Variants in KCNMA1 observed in about 807,000 individuals in gnomAD.
The protein encoded by KCNMA1 is Calcium-activated potassium channel subunit alpha-1.
Under a neutral mutation model 140.0 loss-of-function variants are expected in KCNMA1, and 29 were observed. The ratio of observed to expected loss-of-function variants is 0.21; its 90% confidence interval spans 0.15 to 0.28. KCNMA1 has a LOEUF of 0.28. Ranked by LOEUF, KCNMA1 falls within the 10% of genes least tolerant of loss-of-function variation. The pLI is 1.00. For missense variants in KCNMA1, 880 were observed against 1,602.2 expected, an observed-to-expected ratio of 0.55 and a Z score of 7.70; for synonymous variants, 612 against 611.9, an observed-to-expected ratio of 1.00 and a Z score of 0.00.
intron 3 of KCNMA1, among the ~76,000 whole-genome samples, chr10:77,189,010 A>G (rs1390453481): frequency 6.6e-6 from 1 of 152,022 alleles, no homozygotes; most frequent in East Asian, 1.9e-4. Context: ...AACCCTGTGA[A>G]GCTACTTCTC....
In KCNMA1 at chr10:77,605,476, T is replaced by C. The variant is rs991233786; in HGVS notation, c.378+31789A>G. Among the ~76,000 whole-genome samples the C allele has an allele frequency of 3.3e-5, 5 of 152,200 alleles. No individual in the cohort carries two copies. In the East Asian group the frequency reaches 9.6e-4, roughly 29 times the overall value. ...TGTCTGTTCATCTCATGCTTTCTCG[T>C]GGGTTCCTGGAGAGGTCAGATGATG... On this transcript the variant is annotated intron_variant, in intron 1 of 27. Coordinates refer to ENST00000286628, the MANE Select transcript of KCNMA1 (RefSeq NM_001161352.2).
intron 3 of KCNMA1, among the ~76,000 whole-genome samples, chr10:77,217,074 G>A (rs1363765414): frequency 1.3e-5 from 2 of 152,142 alleles, no homozygotes; most frequent in Non-Finnish European, 2.9e-5. Flanking sequence ...GGAGGCTGAG[G>A]CGGGCGGATC....
chr10:76,950,207 A>G (rs2152954189), intron 21 of KCNMA1, among the ~76,000 whole-genome samples: 1 of 152,278 alleles, frequency 6.6e-6, no homozygotes, highest in South Asian at 2.1e-4. Context: ...ATGACTTATT[A>G]CAGAAAAAGT....
chr10:77,505,679 T>C (rs76072472), intron 1 of KCNMA1, among the ~76,000 whole-genome samples: 79 of 152,338 alleles, frequency 5.2e-4, no homozygotes, highest in African/African-American at 1.9e-3. Context: ...TGACTAGTTA[T>C]GTGGGTTGCA....
intron 15 of KCNMA1, among the ~76,000 whole-genome samples, chr10:77,030,254 C>G (rs995342353): frequency 6.6e-6 from 1 of 152,224 alleles, no homozygotes; most frequent in Non-Finnish European, 1.5e-5. Flanking sequence ...TGCTGAAACA[C>G]CAACACACAT....
At chr10:77,572,167 G>A (rs2071633861) in intron 1 of KCNMA1, among the ~76,000 whole-genome samples, 1 of 152,108 alleles carries the variant, frequency 6.6e-6, no homozygotes, top group Non-Finnish European at 1.5e-5. Flanking sequence ...CTTCGTCACA[G>A]GATGTCAACA....
intron 1 of KCNMA1, among the ~76,000 whole-genome samples, chr10:77,504,585 T>A (rs904014356): frequency 6.6e-6 from 1 of 152,136 alleles, no homozygotes; most frequent in Admixed American, 6.5e-5. Flanking sequence ...AAATTTTATC[T>A]TTTTATTTTT....
chr10:77,016,480 A>G (rs1455985578), intron 17 of KCNMA1, among the ~76,000 whole-genome samples: 1 of 152,132 alleles, frequency 6.6e-6, no homozygotes, highest in Non-Finnish European at 1.5e-5. Flanking sequence ...TGAATGAGTG[A>G]GTTTGAGACT....
At chr10:77,513,414 G>A (rs1366502223) in intron 1 of KCNMA1, among the ~76,000 whole-genome samples, 1 of 152,192 alleles carries the variant, frequency 6.6e-6, no homozygotes, top group East Asian at 1.9e-4. Flanking sequence ...CCTGAGAGCA[G>A]CCACCGTAGC....
At chr10:77,126,612 G>C (rs920343951) in intron 5 of KCNMA1, among the ~76,000 whole-genome samples, 1 of 152,146 alleles carries the variant, frequency 6.6e-6, no homozygotes, top group South Asian at 2.1e-4. Flanking sequence ...CTCTTGAAGA[G>C]TGACCTGCTA....
At chr10:76,898,134 T>G (rs2043413732) in intron 25 of KCNMA1, among the ~76,000 whole-genome samples, 1 of 151,686 alleles carries the variant, frequency 6.6e-6, no homozygotes, top group South Asian at 2.1e-4. Flanking sequence ...AGCTAAATGA[T>G]CCTATAAAAT....
intron 9 of KCNMA1, among the ~76,000 whole-genome samples, chr10:77,097,186 T>C (rs371773754): frequency 4.7e-4 from 71 of 152,332 alleles, no homozygotes; most frequent in African/African-American, 1.7e-3. Flanking sequence ...TTCCCTGATT[T>C]GGGGCATGTC....
chr10:77,069,883 T>C (rs2096125488), intron 14 of KCNMA1, among the ~76,000 whole-genome samples: 1 of 152,160 alleles, frequency 6.6e-6, no homozygotes, highest in Admixed American at 6.5e-5. Flanking sequence ...TGGCATGATC[T>C]TGGCTCACTG....
intron 3 of KCNMA1, among the ~76,000 whole-genome samples, chr10:77,234,603 T>C (rs543032068): frequency 1.3e-5 from 2 of 152,372 alleles, no homozygotes; most frequent in East Asian, 3.9e-4. Context: ...AAAATTATTT[T>C]ACATTTATGC....
chr10:76,969,997 G>A lies in KCNMA1; in HGVS notation c.2337C>T (p.Pro779=). The A allele has an allele frequency of 6.2e-7, 1 of 1,613,996 alleles. No homozygotes were observed. Among genetic ancestry groups the A allele is most frequent in the East Asian group, 2.2e-5 (1 of 44,860 alleles). ...KQRNGGMRNS[P]NTSPKLMRHD... ...ACCTCATCAGCTTAGGCGAGGTGTT[G>A]GGTGAGTTCCGCATGCCTCCATTCC... Residue 779 remains proline (P), a synonymous_variant, in exon 20 of 28, where the codon CCC becomes CCT. Transcript: ENST00000286628.
intron 1 of KCNMA1, among the ~76,000 whole-genome samples, chr10:77,431,695 A>C (rs1237620596): frequency 1.3e-5 from 1 of 74,512 alleles, no homozygotes; most frequent in Non-Finnish European, 3.2e-5. Context: ...AAAAAAAAAA[A>C]AAAAAAAAAA....
intron 1 of KCNMA1, among the ~76,000 whole-genome samples, chr10:77,529,270 A>G (rs1256221653): frequency 6.8e-6 from 1 of 146,414 alleles, no homozygotes; most frequent in South Asian, 2.2e-4. Flanking sequence ...GTGGTTTCCC[A>G]GCTCACCTCT....
chr10:77,517,010 AC>A (rs1333680495), intron 1 of KCNMA1, among the ~76,000 whole-genome samples: 1,959 of 121,840 alleles, frequency 0.016, 49 homozygotes, highest in African/African-American at 0.048. Context: ...AAAAAAAAAA[AC>A]AAAAGGTGAG....
In KCNMA1 at chr10:77,484,006, G is replaced by T. The variant is rs533359847; in HGVS notation, c.379-79983C>A. Among the ~76,000 whole-genome samples, 3 of 152,286 alleles carry T rather than the reference G, an allele frequency of 2.0e-5. No homozygotes were observed. The East Asian group carries it at 5.8e-4, about 29-fold the overall frequency. On this transcript the variant is annotated intron_variant, in intron 1 of 27. Coordinates refer to ENST00000286628, the MANE Select transcript of KCNMA1 (RefSeq NM_001161352.2). The stretch of plus-strand genomic sequence containing the variant: ...TGAGGCCAGGATCTAGGAGGACCAG[G>T]GTGGGAGGGGCCAAAAATGGCACTC...
Sources: gnomAD v4.1 joint callset for allele counts (sites outside exome capture counted in the v4.1 genomes callset) on GRCh38, gnomAD v4.1.1 for gene constraint, MANE v1.5 for transcripts, NCBI Gene and HGNC (gene_info 2026-07-23, HGNC 2026-07-21) for gene names.